Variants in MED23 observed in about 807,000 individuals in gnomAD.
The protein encoded by MED23 is mediator complex subunit 23, also known as mediator of RNA polymerase II transcription subunit 23.
Under a neutral mutation model 163.9 loss-of-function variants are expected in MED23, and 105 were observed. The ratio of observed to expected loss-of-function variants is 0.64; its 90% CI spans 0.55 to 0.75. The LOEUF is 0.75. MED23 is among the 30% of genes least tolerant of loss of function. MED23 has a pLI of 0.00. For missense variants in MED23, 1,054 were observed against 1,649.0 expected (o/e 0.64, Z 6.25); for synonymous variants, 561 against 565.6 (o/e 0.99, Z 0.12).
At chr6:131,592,208 C>T (rs1774694874) in intron 25 of MED23, among the ~76,000 whole-genome samples, 180 bp downstream of exon 25, 2 of 152,150 alleles carry the variant, frequency 1.3e-5, no homozygotes. Flanking sequence ...AAAGCAAAAA[C>T]TAGTCACTGT....
downstream of MED23, chr6:131,583,017 G>A (rs1045385690): frequency 1.4e-6 from 2 of 1,424,964 alleles, no homozygotes; most frequent in Non-Finnish European, 2.0e-6. Flanking sequence ...GGCGGGCACA[G>A]TCAGCCTTAT....
downstream of MED23, chr6:131,583,273 T>TA (rs1774031937): frequency 6.2e-7 from 1 of 1,609,238 alleles, no homozygotes; most frequent in African/African-American, 1.3e-5. Context: ...TGCTACTTTT[T>TA]ATAAAACAAG....
At position 131,592,291 on chromosome 6, in the gene MED23, C is replaced by T. The variant is rs112876420; in HGVS notation, c.3471+97G>A. 253 of 1,008,684 alleles carry T rather than the reference C, an allele frequency of 2.5e-4. No homozygotes were observed. The African/African-American group carries it at 3.5e-3, about 14-fold the overall frequency. 62.5% of individuals were successfully genotyped at this position (1,008,684 alleles called of 1,614,324 possible). On this transcript the variant is annotated intron_variant, in intron 25 of 28. Coordinates refer to ENST00000368068, the MANE Select transcript of MED23 (RefSeq NM_004830.4). ...TACTTCATTAATTTGCATGACGTCC[C>T]GTACAAGGGCATCCTATATGCATCT...
Position 131,605,497 on chromosome 6 carries a change from C to T in MED23, c.1368-12G>A, listed in dbSNP as rs184133986. ...TCTGCTGCAGGAACCTAAATATTCA[C>T]GTTCCATTAAAAAGAAAAAATGAAA... is the stretch of plus-strand genomic sequence containing the variant. On this transcript the variant is annotated splice_polypyrimidine_tract_variant and intron_variant, in intron 13 of 28. Transcript: ENST00000368068. 3.4e-4 allele frequency: 525 copies of T among 1,550,876 alleles called. 7 individuals are homozygous for T. In the East Asian group the frequency reaches 9.6e-3, roughly 28 times the overall value.
intron 25 of MED23, chr6:131,591,826 AAAT>A (rs1416501393): frequency 5.8e-6 from 2 of 345,170 alleles, no homozygotes; most frequent in African/African-American, 2.1e-5. Context: ...ACTTATTTAA[AAAT>A]AATAAACTTT....
At chr6:131,575,004 A>G (rs1014683966) in intron 30 of MED23, among the ~76,000 whole-genome samples, 1 of 152,164 alleles carries the variant, frequency 6.6e-6, no homozygotes, top group African/African-American at 2.4e-5. Context: ...ACTTGTGGCC[A>G]TTTAGGGATT....
intron 18 of MED23, among the ~76,000 whole-genome samples, 155 bp downstream of exon 18, chr6:131,599,883 A>G (rs1410453420): frequency 6.6e-6 from 1 of 152,120 alleles, no homozygotes; most frequent in Non-Finnish European, 1.5e-5. Context: ...AGTTAAGACT[A>G]GAGGCTTGTG....
At chr6:131,577,937 G>A (rs1240187754) in intron 30 of MED23, among the ~76,000 whole-genome samples, 3 of 150,376 alleles carry the variant, frequency 2.0e-5, no homozygotes, top group South Asian at 4.2e-4. Flanking sequence ...GGAATGGACC[G>A]CAAACACAGG....
chr6:131,590,338 G>C lies in MED23; in HGVS notation c.3791C>G (p.Thr1264Ser). 6.2e-7 allele frequency: 1 copy of C among 1,612,320 alleles called. No homozygotes were observed. Among genetic ancestry groups the C allele is most frequent in the Non-Finnish European group, 8.5e-7 (1 of 1,178,692 alleles). The change falls in exon 27 of 29, where the codon ACT (threonine) becomes AGT (serine). Residue 1264 changes from threonine (T) to serine (S), a missense_variant. Physicochemically the swap from Thr to Ser is moderately conservative, Grantham distance 58. Transcript: ENST00000368068. ...PFLQRFQQER[T>S]RCMIEIGVAF... is the part of the protein sequence containing the mutation. ...ATATTTTACCTCTATCATACAACGAGTTCTCTCTTGCTGAAATCTTTGTAA... is the reference window on the plus strand; with the variant it reads ...ATATTTTACCTCTATCATACAACGACTTCTCTCTTGCTGAAATCTTTGTAA...
chr6:131,623,995 C>A (rs1777303361), intron 4 of MED23, among the ~76,000 whole-genome samples: 1 of 152,064 alleles, frequency 6.6e-6, no homozygotes, highest in Non-Finnish European at 1.5e-5. Flanking sequence ...TATGAAAGAT[C>A]AAAAACAAAG....
At chr6:131,611,895 CCT>C (rs1333462402) in intron 10 of MED23, among the ~76,000 whole-genome samples, 1 of 152,032 alleles carries the variant, frequency 6.6e-6, no homozygotes, top group African/African-American at 2.4e-5. Flanking sequence ...TTTGGAGTTT[CCT>C]TTTTTAGTAT....
intron 8 of MED23, among the ~76,000 whole-genome samples, chr6:131,619,405 TAACAA>T (rs1176403202): frequency 1.3e-5 from 2 of 150,818 alleles, no homozygotes; most frequent in African/African-American, 4.8e-5. Flanking sequence ...TCAGAGACTC[TAACAA>T]AACATGGGAA....
chr6:131,610,944 G>A (rs958632392), intron 10 of MED23, among the ~76,000 whole-genome samples: 25 of 152,116 alleles, frequency 1.6e-4, no homozygotes, highest in Non-Finnish European at 2.2e-4. Flanking sequence ...AAAGAATTGA[G>A]TTTAAACACT....
At chr6:131,606,233 T>C (rs1017621577) in intron 13 of MED23, among the ~76,000 whole-genome samples, 7 of 151,850 alleles carry the variant, frequency 4.6e-5, no homozygotes, top group Admixed American at 4.6e-4. Context: ...CATATACAAC[T>C]GAAGATCAGC....
chr6:131,608,357 T>C (rs1038970278), intron 11 of MED23, among the ~76,000 whole-genome samples: 2 of 152,192 alleles, frequency 1.3e-5, no homozygotes, highest in African/African-American at 2.4e-5. Flanking sequence ...ATATACAACA[T>C]GCACAACACC....
chr6:131,581,199 CA>C lies in MED23; in HGVS notation c.4095+6509del, dbSNP rs543245025. 180 of 1,613,516 alleles carry C rather than the reference CA, an allele frequency of 1.1e-4. 1 individual carries two copies. The South Asian group carries it at 1.8e-3, about 16-fold the overall frequency. On this transcript the variant is annotated intron_variant, in intron 30 of 30. Transcript: ENST00000354577. ...TGACACTGCAAACCTGATGTTCACA[CA>C]AAATTTTTTCCCCAAAAGTTTGGCA... is the stretch of plus-strand genomic sequence containing the variant.
rs17060451 is a variant in MED23 at position 131,612,443 on chromosome 6, A to C, written c.877-2197T>G. Among the ~76,000 whole-genome samples the C allele has an allele frequency of 8.0e-3, 1,211 of 152,218 alleles. 13 individuals are homozygous for C. The highest frequency in any genetic ancestry group is 0.028 in the African/African-American group (1,156 of 41,570). ...TTACAAAGTGGAACAAACATTTGTA[A>C]AGCAGTTTCAGAATCTATGAATAAA... On this transcript the variant is annotated intron_variant, in intron 10 of 28. Coordinates refer to ENST00000368068, the MANE Select transcript of MED23 (RefSeq NM_004830.4).
At chr6:131,591,785 A>T (rs2114593698) in intron 25 of MED23, 1 of 495,400 alleles carries the variant, frequency 2.0e-6, no homozygotes, top group Admixed American at 3.4e-5. Context: ...AAATCAATTA[A>T]TTTATCAAAC....
intron 12 of MED23, 81 bp downstream of exon 12, chr6:131,607,847 A>C: frequency 6.7e-7 from 1 of 1,490,966 alleles, no homozygotes; most frequent in Non-Finnish European, 9.3e-7. Context: ...AAATACACAA[A>C]ATCACACTAA....
Sources: gnomAD v4.1 joint callset for allele counts (sites outside exome capture counted in the v4.1 genomes callset) on GRCh38, gnomAD v4.1.1 for gene constraint, MANE v1.5 for transcripts, NCBI Gene and HGNC (gene_info 2026-07-23, HGNC 2026-07-21) for gene names.